The following PRICKLE1 variants were observed in gnomAD, a reference collection of about 807,000 sequenced individuals.
The protein encoded by PRICKLE1 is prickle planar cell polarity protein 1.
Under a neutral mutation model 70.2 loss-of-function variants are expected in PRICKLE1, and 14 were observed. The observed-to-expected ratio is 0.20, with a 90% CI of 0.13 to 0.31. The LOEUF (loss-of-function observed/expected upper bound fraction) is 0.31, where lower values mean the gene tolerates loss of function less well. Ranked by LOEUF, PRICKLE1 falls within the 10% of genes least tolerant of loss-of-function variation. The probability of loss-of-function intolerance (pLI) is 1.00; values close to 1 mark genes in which losing one functional copy is unlikely to be tolerated. For missense variants in PRICKLE1, 821 were observed against 1,026.2 expected, an observed-to-expected ratio of 0.80 and a Z score of 2.73; for synonymous variants, 357 against 379.9, an observed-to-expected ratio of 0.94 and a Z score of 0.70.
chr12:42,463,221 C>A (rs1937929745), intron 7 of PRICKLE1, among the ~76,000 whole-genome samples: 1 of 151,964 alleles, frequency 6.6e-6, no homozygotes, highest in Admixed American at 6.6e-5. Flanking sequence ...AACTCAGGAA[C>A]CTGAGAGGCA....
At chr12:42,488,715 T>C (rs1939032374) in intron 1 of PRICKLE1, among the ~76,000 whole-genome samples, 1 of 152,194 alleles carries the variant, frequency 6.6e-6, no homozygotes, top group Admixed American at 6.5e-5. Context: ...AACCCCAGTA[T>C]ACAGTATAAT....
At chr12:42,499,401 A>C (rs2708064) in intron 1 of PRICKLE1, among the ~76,000 whole-genome samples, 117,034 of 151,922 alleles carry the variant, frequency 0.77, 45,658 homozygotes, top group African/African-American at 0.88. Context: ...GCAGCATCAC[A>C]AGAATGTAAG....
At chr12:42,518,342 C>T (rs1407962820) in intron 1 of PRICKLE1, among the ~76,000 whole-genome samples, 1 of 152,158 alleles carries the variant, frequency 6.6e-6, no homozygotes, top group Non-Finnish European at 1.5e-5. Flanking sequence ...CAACAACCGG[C>T]TGAGGATGGA....
intron 1 of PRICKLE1, chr12:42,584,451 T>G (rs1161005763): frequency 6.6e-6 from 1 of 152,230 alleles, no homozygotes; most frequent in African/African-American, 2.4e-5. Context: ...TTAAAAAGTT[T>G]GTTGTGCTTG....
intron 1 of PRICKLE1, among the ~76,000 whole-genome samples, chr12:42,580,091 T>C (rs1022548097): frequency 3.9e-5 from 6 of 152,086 alleles, no homozygotes; most frequent in Non-Finnish European, 7.4e-5. Context: ...GCCAGGCTGG[T>C]CTCGAACTCT....
chr12:42,570,140 T>C (rs1355787743), intron 1 of PRICKLE1, among the ~76,000 whole-genome samples: 1 of 152,266 alleles, frequency 6.6e-6, no homozygotes, highest in East Asian at 1.9e-4. Context: ...TTACCCTAGA[T>C]GTTTCAATTA....
At position 42,460,142 on chromosome 12, in the gene PRICKLE1, G is replaced by A. The variant is rs1273178828; in HGVS notation, c.2163C>T (p.Ile721=). 6.2e-7 allele frequency: 1 copy of A among 1,614,054 alleles called. No homozygotes were observed. Among genetic ancestry groups the A allele is most frequent in the Non-Finnish European group, 8.5e-7 (1 of 1,180,024 alleles). Residue 721 remains isoleucine, a synonymous_variant, in exon 8 of 8, where the codon ATC becomes ATT. Transcript: ENST00000345127. ...KFIQNKSARE[I]QAYIQNADLY... is the part of the protein sequence containing the mutation. ...GATCAGCATTCTGGATGTATGCTTG[G>A]ATCTCCCGGGCACTTTTATTCTGTA...
At chr12:42,476,092 CAAAA>C (rs398044331) in intron 1 of PRICKLE1, among the ~76,000 whole-genome samples, 1 of 101,744 alleles carries the variant, frequency 9.8e-6, no homozygotes. Flanking sequence ...AACTCCGTCT[CAAAA>C]AAAAAAAAAA....
At chr12:42,573,216 A>T (rs906572561) in intron 1 of PRICKLE1, among the ~76,000 whole-genome samples, 1 of 152,198 alleles carries the variant, frequency 6.6e-6, no homozygotes, top group Admixed American at 6.5e-5. Flanking sequence ...GCTGCTTTAA[A>T]ATATTAGAGC....
chr12:42,503,057 T>G (rs1393345532), intron 1 of PRICKLE1, among the ~76,000 whole-genome samples: 2 of 152,240 alleles, frequency 1.3e-5, no homozygotes, highest in Non-Finnish European at 2.9e-5. Flanking sequence ...CAGAACATGT[T>G]AAGTCCATGG....
chr12:42,505,000 C>CACCT (rs1566105462), intron 1 of PRICKLE1, among the ~76,000 whole-genome samples: 1 of 152,006 alleles, frequency 6.6e-6, no homozygotes, highest in Admixed American at 6.6e-5. Flanking sequence ...ATTAGCCGAG[C>CACCT]GTGGTGGCGG....
At chr12:42,466,677 T>A (rs1566082806) in intron 5 of PRICKLE1, among the ~76,000 whole-genome samples, 1 of 152,172 alleles carries the variant, frequency 6.6e-6, no homozygotes, top group African/African-American at 2.4e-5. Context: ...TGCTCCCCAA[T>A]AACATTTTCT....
intron 1 of PRICKLE1, among the ~76,000 whole-genome samples, chr12:42,574,160 C>T (rs113462669): frequency 5.9e-5 from 9 of 152,076 alleles, no homozygotes; most frequent in South Asian, 2.1e-4. Context: ...TTCTTGGGGA[C>T]GTGCAATATT....
chr12:42,542,438 G>A (rs1828281068), intron 1 of PRICKLE1, among the ~76,000 whole-genome samples: 1 of 152,038 alleles, frequency 6.6e-6, no homozygotes, highest in African/African-American at 2.4e-5. Flanking sequence ...ATCACCTAAG[G>A]TCAGGAGTTC....
At chr12:42,488,487 A>G (rs533114560) in intron 1 of PRICKLE1, among the ~76,000 whole-genome samples, 2 of 152,352 alleles carry the variant, frequency 1.3e-5, no homozygotes, top group South Asian at 2.1e-4. Context: ...TTTCATGAAC[A>G]GATAATTAAA....
At chr12:42,547,587 A>T (rs1940236817) in intron 1 of PRICKLE1, among the ~76,000 whole-genome samples, 1 of 152,166 alleles carries the variant, frequency 6.6e-6, no homozygotes, top group South Asian at 2.1e-4. Flanking sequence ...GAAAAAATAC[A>T]CCTAATTCTT....
chr12:42,555,003 A>G (rs569793215), intron 1 of PRICKLE1, among the ~76,000 whole-genome samples: 69 of 152,118 alleles, frequency 4.5e-4, no homozygotes, highest in Middle Eastern at 3.4e-3. Flanking sequence ...AAACTCCTTT[A>G]AAATACATAA....
chr12:42,501,732 G>A (rs1471195314), intron 1 of PRICKLE1, among the ~76,000 whole-genome samples: 2 of 152,022 alleles, frequency 1.3e-5, no homozygotes, highest in South Asian at 2.1e-4. Context: ...AGTTTCTCAT[G>A]CCTAATTAAG....
At chr12:42,561,783 G>T (rs1173676632) in intron 1 of PRICKLE1, among the ~76,000 whole-genome samples, 1 of 152,008 alleles carries the variant, frequency 6.6e-6, no homozygotes, top group East Asian at 1.9e-4. Context: ...TCTAAGGCTG[G>T]CAAGGCATAT....
Sources: allele counts gnomAD v4.1 joint callset (sites outside exome capture counted in the v4.1 genomes callset), GRCh38; gene constraint gnomAD v4.1.1; transcripts MANE v1.5; gene names NCBI Gene and HGNC (gene_info 2026-07-23, HGNC 2026-07-21).